CNTNAP2: variants seen among roughly 807,000 people sequenced by gnomAD.
CNTNAP2 encodes contactin-associated protein-like 2.
Under a neutral mutation model 155.2 loss-of-function variants are expected in CNTNAP2, and 98 were observed. That is an observed-to-expected ratio of 0.63 (90% confidence interval 0.54 to 0.75). The LOEUF (loss-of-function observed/expected upper bound fraction) is 0.75. Ranked by LOEUF, CNTNAP2 falls within the 30% of genes least tolerant of loss-of-function variation. The pLI is 0.00. For missense variants in CNTNAP2, 1,727 were observed against 1,688.1 expected (o/e 1.02, Z -0.40); for synonymous variants, 651 against 631.2 (o/e 1.03, Z -0.47).
intron 15 of CNTNAP2, chr7:148,056,672 G>C (rs1229934363): frequency 6.6e-6 from 1 of 152,148 alleles, no homozygotes; most frequent in Non-Finnish European, 1.5e-5. Flanking sequence ...AACATTGATG[G>C]GGTAAGTTTT....
intron 1 of CNTNAP2, among the ~76,000 whole-genome samples, chr7:146,602,410 G>A (rs1284564203): frequency 6.6e-6 from 1 of 152,166 alleles, no homozygotes; most frequent in Non-Finnish European, 1.5e-5. Context: ...AGTAAGATAA[G>A]AGATAGAAAG....
At position 146,822,484 on chromosome 7, in the gene CNTNAP2, AT is replaced by A. The variant is rs200147573; in HGVS notation, c.209-17224del. On this transcript the variant is annotated intron_variant, in intron 2 of 23. Coordinates refer to ENST00000361727, the MANE Select transcript of CNTNAP2 (RefSeq NM_014141.6). Reference sequence around the variant, plus strand: ...CTTAAAGTGTAATAATAATACAAAAATTTAAAAAAAAAAAACTCAGACATTT... The same window carrying A: ...CTTAAAGTGTAATAATAATACAAAAATTAAAAAAAAAAAACTCAGACATTT... Among the ~76,000 whole-genome samples the A allele has an allele frequency of 6.2e-4, 94 of 151,004 alleles. 1 individual carries two copies. Among genetic ancestry groups the A allele is most frequent in the African/African-American group, 2.2e-3 (91 of 41,110 alleles).
intron 4 of CNTNAP2, among the ~76,000 whole-genome samples, chr7:147,087,373 GT>G (rs577893904): frequency 8.5e-4 from 129 of 151,756 alleles, no homozygotes; most frequent in Admixed American, 1.4e-3. Context: ...TCTTTGTTCT[GT>G]TTTTTTTAAC....
Position 146,713,276 on chromosome 7 carries a change from A to T in CNTNAP2, c.98-60995A>T, listed in dbSNP as rs141787512. ...AAATGAAAGTGAGGGGAAGAAATCT[A>T]TATGGAAGCCAAACAATCACTGCTT... is the stretch of plus-strand genomic sequence containing the variant. On this transcript the variant is annotated intron_variant, in intron 1 of 23. Transcript: ENST00000361727. 1.2e-3 allele frequency among the ~76,000 whole-genome samples: 179 copies of T among 152,258 alleles called. 1 individual carries two copies. Among genetic ancestry groups the T allele is most frequent in the African/African-American group, 4.0e-3 (167 of 41,570 alleles).
At chr7:146,965,778 T>A (rs1346317854) in intron 3 of CNTNAP2, among the ~76,000 whole-genome samples, 1 of 152,198 alleles carries the variant, frequency 6.6e-6, no homozygotes. Flanking sequence ...GGATAATGAC[T>A]AAGAATTAGA....
At chr7:146,292,430 T>C (rs1391954401) in intron 1 of CNTNAP2, among the ~76,000 whole-genome samples, 2 of 152,140 alleles carry the variant, frequency 1.3e-5, no homozygotes, top group Non-Finnish European at 2.9e-5. Flanking sequence ...GCACAGAACT[T>C]AGAATAAAAA....
intron 1 of CNTNAP2, among the ~76,000 whole-genome samples, chr7:146,158,866 A>C (rs775206478): frequency 5.9e-5 from 9 of 152,230 alleles, no homozygotes; most frequent in Non-Finnish European, 1.3e-4. Flanking sequence ...GCAGGCCAAC[A>C]TTCAACTTCA....
chr7:147,504,582 G>A (rs1014469910), intron 11 of CNTNAP2, among the ~76,000 whole-genome samples: 6 of 150,970 alleles, frequency 4.0e-5, no homozygotes, highest in South Asian at 2.1e-4. Flanking sequence ...CCAAATACTC[G>A]GGAGGCTAAG....
intron 14 of CNTNAP2, among the ~76,000 whole-genome samples, chr7:147,958,166 C>T (rs1438519066): frequency 6.7e-6 from 1 of 148,406 alleles, no homozygotes; most frequent in African/African-American, 2.5e-5. Flanking sequence ...ATCTGTATCA[C>T]GAGTAATTTG....
intron 1 of CNTNAP2, among the ~76,000 whole-genome samples, chr7:146,481,140 G>A (rs10232667): frequency 0.21 from 31,196 of 151,960 alleles, 4,489 homozygotes; most frequent in African/African-American, 0.41. Context: ...AAATACATCA[G>A]TTAATACTCT....
chr7:146,205,216 A>C (rs928607971), intron 1 of CNTNAP2, among the ~76,000 whole-genome samples: 1 of 151,950 alleles, frequency 6.6e-6, no homozygotes, highest in Non-Finnish European at 1.5e-5. Context: ...TTATTGTTTA[A>C]TTAAACAGAG....
At chr7:146,790,257 A>G (rs989959648) in intron 2 of CNTNAP2, among the ~76,000 whole-genome samples, 3 of 152,224 alleles carry the variant, frequency 2.0e-5, no homozygotes, top group Admixed American at 6.5e-5. Context: ...ATAATTTTCT[A>G]AAGACTGTTT....
intron 14 of CNTNAP2, among the ~76,000 whole-genome samples, chr7:147,906,301 C>T (rs752592933): frequency 4.6e-5 from 7 of 151,928 alleles, no homozygotes; most frequent in Non-Finnish European, 8.8e-5. Flanking sequence ...AAGCAATTCT[C>T]CTGCCTCTGC....
chr7:146,254,097 G>T (rs1799799466), intron 1 of CNTNAP2, among the ~76,000 whole-genome samples: 1 of 150,210 alleles, frequency 6.7e-6, no homozygotes, highest in Admixed American at 6.7e-5. Context: ...GCAAAGTCAA[G>T]ATTTGGATGT....
intron 9 of CNTNAP2, among the ~76,000 whole-genome samples, chr7:147,311,577 G>C (rs1477236946): frequency 6.6e-6 from 1 of 152,124 alleles, no homozygotes; most frequent in Non-Finnish European, 1.5e-5. Context: ...CAGGTAGGAA[G>C]GGAAATGTCA....
chr7:148,000,091 G>A (rs1472512178), intron 15 of CNTNAP2, among the ~76,000 whole-genome samples: 1 of 152,210 alleles, frequency 6.6e-6, no homozygotes, highest in Non-Finnish European at 1.5e-5. Flanking sequence ...AGAGGATTGG[G>A]CTGTGTTTGT....
At chr7:147,559,598 CAA>C (rs1425666212) in intron 11 of CNTNAP2, among the ~76,000 whole-genome samples, 2 of 152,022 alleles carry the variant, frequency 1.3e-5, no homozygotes, top group East Asian at 1.9e-4. Context: ...AAGAAAAAGA[CAA>C]TGATTTATTA....
chr7:146,535,400 T>C, intron 1 of CNTNAP2, among the ~76,000 whole-genome samples: 1 of 87,100 alleles, frequency 1.1e-5, no homozygotes, highest in Non-Finnish European at 1.9e-5. Context: ...GATATATATA[T>C]TATATATGAT....
chr7:147,424,683 A>T (rs571072503), intron 10 of CNTNAP2, among the ~76,000 whole-genome samples: 54 of 152,230 alleles, frequency 3.5e-4, no homozygotes, highest in African/African-American at 1.3e-3. Context: ...TAGACCTTAC[A>T]CACAACTGCC....
Sources: gnomAD v4.1 joint callset for allele counts (sites outside exome capture counted in the v4.1 genomes callset) on GRCh38, gnomAD v4.1.1 for gene constraint, MANE v1.5 for transcripts, NCBI Gene and HGNC (gene_info 2026-07-23, HGNC 2026-07-21) for gene names.